Variants in RNF216 observed in about 807,000 individuals in gnomAD.
RNF216 encodes the protein E3 ubiquitin-protein ligase RNF216.
In RNF216, 72 loss-of-function variants were observed where a neutral mutation model predicts 110.8. The observed-to-expected ratio is 0.65, with a 90% confidence interval of 0.54 to 0.79. The LOEUF is 0.79. Among genes scored for constraint, RNF216 ranks in the 30% least tolerant of loss-of-function variants. The pLI is 0.00. For missense variants in RNF216, 1,342 were observed against 1,141.2 expected (o/e 1.18, Z -2.54); for synonymous variants, 495 against 407.5 (o/e 1.21, Z -2.59).
At chr7:5,739,551 T>C in intron 4 of RNF216, 199 bp from the exon 5 acceptor site, 1 of 658,332 alleles carries the variant, frequency 1.5e-6, no homozygotes, top group Non-Finnish European at 2.8e-6. Context: ...TAGAAAGGTC[T>C]TGAGAGATCT....
chr7:5,741,669 G>A lies in RNF216; in HGVS notation c.348C>T (p.Asn116=), dbSNP rs1794766868. The change falls in exon 4 of 17, where the codon AAC becomes AAT. Residue 116 remains asparagine, a synonymous_variant. Coordinates refer to ENST00000389902, the MANE Select transcript of RNF216 (RefSeq NM_207111.4). ...CCTGTGCCCCAGAATCAAACAATGG[G>A]TTGTTACACACTGAAAAATAGCTGC... ...DKSSYFSVCN[N]PLFDSGAQDD... 1.2e-6 allele frequency: 2 copies of A among 1,613,994 alleles called. No individual in the cohort carries two copies. The highest frequency in any genetic ancestry group is 1.7e-6 in the Non-Finnish European group (2 of 1,180,036).
chr7:5,736,612 G>A (rs563884234), intron 5 of RNF216, among the ~76,000 whole-genome samples: 12 of 149,000 alleles, frequency 8.1e-5, no homozygotes, highest in South Asian at 6.5e-4. Flanking sequence ...CCCTCTGCCC[G>A]GCTGCCCAGT....
Position 5,721,044 on chromosome 7 carries a change from CTT to C in RNF216, c.1631_1632del (p.Lys544ArgfsTer6). 2 of 1,614,232 alleles carry C rather than the reference CTT, an allele frequency of 1.2e-6. No individual in the cohort carries two copies. The highest frequency in any genetic ancestry group is 1.7e-6 in the Non-Finnish European group (2 of 1,180,040). On this transcript the variant is annotated frameshift_variant, in exon 9 of 17. Coordinates refer to ENST00000389902, the MANE Select transcript of RNF216 (RefSeq NM_207111.4). LOFTEE classifies it high-confidence loss of function. ...GCACATCTTCCTACCTCTGCCATCT[CTT>C]TGATTTTCTGCTCATAGAACTCCTG... ...QEQEFYEQKI[K>X]EMAEHEDFLL...
Position 5,741,236 on chromosome 7 carries a change from C to G in RNF216, c.781G>C (p.Gly261Arg), listed in dbSNP as rs1275726175. 6.2e-7 allele frequency: 1 copy of G among 1,614,116 alleles called. No homozygotes were observed. Among genetic ancestry groups the G allele is most frequent in the Non-Finnish European group, 8.5e-7 (1 of 1,180,024 alleles). Residue 261 changes from glycine (G) to arginine (R), a missense_variant, in exon 4 of 17, where the codon GGC (glycine) becomes CGC (arginine). Gly to Arg is a moderately radical substitution (Grantham distance 125, BLOSUM62 -2). Coordinates refer to ENST00000389902, the MANE Select transcript of RNF216 (RefSeq NM_207111.4). Reference protein sequence around the residue: ...PQERQPEAELGRLLFQHEFPG... With the variant: ...PQERQPEAELRRLLFQHEFPG... ...AATTCATGCTGAAACAACAAGCGGC[C>G]CAGTTCTGCTTCAGGCTGCCGTTCC...
chr7:5,721,242 A>G, intron 8 of RNF216, 70 bp from the exon 9 acceptor site: 1 of 1,398,042 alleles, frequency 7.2e-7, no homozygotes, highest in African/African-American at 1.4e-5. Flanking sequence ...AGCCATGTCC[A>G]TTCTTCCCGG....
At chr7:5,700,573 C>A (rs921654311) in intron 13 of RNF216, among the ~76,000 whole-genome samples, 21 of 152,244 alleles carry the variant, frequency 1.4e-4, no homozygotes, top group South Asian at 4.1e-4. Context: ...TCCCCACAGG[C>A]TGTGACAAGC....
At chr7:5,638,543 G>A (rs1787539928) in intron 15 of RNF216, among the ~76,000 whole-genome samples, 1 of 152,000 alleles carries the variant, frequency 6.6e-6, no homozygotes, top group African/African-American at 2.4e-5. Flanking sequence ...CCTACCAGCA[G>A]CCAGGTACTA....
Position 5,739,360 on chromosome 7 carries a change from CAAAT to C in RNF216, c.1045-12_1045-9del. ...ATCTGGAAATCTTGCTTCCTAGAAA[CAAAT>C]AAGAACATAATTTATATTTCATTCA... On this transcript the variant is annotated splice_polypyrimidine_tract_variant and intron_variant, in intron 4 of 16. Transcript: ENST00000389902. 2 of 1,587,700 alleles carry C rather than the reference CAAAT, an allele frequency of 1.3e-6. No individual in the cohort carries two copies. The highest frequency in any genetic ancestry group is 1.7e-6 in the Non-Finnish European group (2 of 1,170,126).
At chr7:5,745,527 C>A (rs572142439) in intron 3 of RNF216, among the ~76,000 whole-genome samples, 1 of 152,178 alleles carries the variant, frequency 6.6e-6, no homozygotes, top group East Asian at 1.9e-4. Flanking sequence ...ATCAGATGCA[C>A]GTTTTCAAGA....
intron 15 of RNF216, among the ~76,000 whole-genome samples, chr7:5,635,859 T>C (rs1787366642): frequency 6.6e-6 from 1 of 152,208 alleles, no homozygotes; most frequent in South Asian, 2.1e-4. Flanking sequence ...CTTAACCAAA[T>C]GGCTAGGCGA....
rs776447106 is a variant in RNF216, at chr7:5,740,996, C to T, written c.1021G>A (p.Val341Ile). Reference protein sequence around the residue: ...QEAAEVDQELVELLVKETEAR... With the variant: ...QEAAEVDQELIELLVKETEAR... ...ACCGTTTCTTTCACTAGTAGTTCAA[C>T]GAGCTCTTGATCTACCTCTGCAGCT... is the stretch of plus-strand genomic sequence containing the variant. Residue 341 changes from valine (V) to isoleucine (I), a missense_variant, in exon 4 of 17, where the codon GTT (valine) becomes ATT (isoleucine). By Grantham distance (29) the Val-to-Ile change is conservative (BLOSUM62 3). Coordinates refer to ENST00000389902, the MANE Select transcript of RNF216 (RefSeq NM_207111.4). The T allele has an allele frequency of 1.2e-5, 19 of 1,606,686 alleles. No homozygotes were observed. Among genetic ancestry groups the T allele is most frequent in the Non-Finnish European group, 1.4e-5 (16 of 1,177,702 alleles).
At chr7:5,751,338 T>C (rs1773352797) in intron 3 of RNF216, among the ~76,000 whole-genome samples, 1 of 152,006 alleles carries the variant, frequency 6.6e-6, no homozygotes, top group Non-Finnish European at 1.5e-5. Context: ...AAGGGAGGAA[T>C]TGTTAAATAA....
intron 15 of RNF216, among the ~76,000 whole-genome samples, chr7:5,631,103 C>G (rs1160137346): frequency 6.6e-6 from 1 of 152,198 alleles, no homozygotes; most frequent in Non-Finnish European, 1.5e-5. Flanking sequence ...AACCTCCTTT[C>G]TCCCCTTACA....
At chr7:5,689,561 G>C (rs925355522) in intron 13 of RNF216, among the ~76,000 whole-genome samples, 4 of 151,894 alleles carry the variant, frequency 2.6e-5, no homozygotes, top group African/African-American at 9.7e-5. Context: ...CTTTTCTCTT[G>C]GACTTCCTAC....
rs1243948372 is a variant in RNF216, at chr7:5,752,863, C to T, written c.184G>A (p.Asp62Asn). 1.2e-6 allele frequency: 2 copies of T among 1,611,766 alleles called. No homozygotes were observed. The highest frequency in any genetic ancestry group is 1.3e-5 in the African/African-American group (1 of 74,840). ...AAACTCACTTCTGTCAGGATGACAT[C>T]ATCATCCAGGTCCTCTTCTTCATGC... is the stretch of plus-strand genomic sequence containing the variant. Reference protein sequence around the residue: ...QQHEEEDLDDDVILTETNKPQ... With the variant: ...QQHEEEDLDDNVILTETNKPQ... Residue 62 changes from aspartate to asparagine, a missense_variant, in exon 3 of 17, where the codon GAT becomes AAT. Coordinates refer to ENST00000389902, the MANE Select transcript of RNF216 (RefSeq NM_207111.4).
chr7:5,633,694 T>C (rs975388121), intron 15 of RNF216, among the ~76,000 whole-genome samples: 2 of 152,230 alleles, frequency 1.3e-5, no homozygotes, highest in Admixed American at 1.3e-4. Flanking sequence ...CAGAAAGAAC[T>C]CAGCCTGACA....
chr7:5,622,780 C>CTG lies in RNF216; in HGVS notation c.*79_*80insCA. 1 of 1,389,196 alleles carries CTG rather than the reference C, an allele frequency of 7.2e-7. No individual in the cohort carries two copies. Among genetic ancestry groups the CTG allele is most frequent in the Non-Finnish European group, 9.9e-7 (1 of 1,014,586 alleles). The allele number at this position is 1,389,196 out of a possible 1,614,324, so 86.1% of individuals were successfully genotyped here. ...CTGACTTAGGATGCAATGGTACAGA[C>CTG]ACCAGCCTTGGGGGAGGGTTCTCCA... On this transcript the variant is annotated 3_prime_UTR_variant, in exon 17 of 17. Transcript: ENST00000389902.
chr7:5,623,874 G>A (rs1056765447), intron 16 of RNF216, among the ~76,000 whole-genome samples, 182 bp downstream of exon 16: 8 of 152,164 alleles, frequency 5.3e-5, no homozygotes, highest in Non-Finnish European at 8.8e-5. Context: ...TCAAGGCGTT[G>A]AAGGCCTTTC....
At chr7:5,755,239 AAAGGAAGGAAGG>A (rs58341461) in intron 2 of RNF216, among the ~76,000 whole-genome samples, 5 of 145,616 alleles carry the variant, frequency 3.4e-5, no homozygotes, top group Admixed American at 7.0e-5. Flanking sequence ...GGGAAGGATG[AAAGGAAGGAAGG>A]AAGGAAGGAA....
Sources: gnomAD v4.1 joint callset for allele counts (sites outside exome capture counted in the v4.1 genomes callset) on GRCh38, gnomAD v4.1.1 for gene constraint, MANE v1.5 for transcripts, NCBI Gene and HGNC (gene_info 2026-07-23, HGNC 2026-07-21) for gene names.